Variants in GSN observed in about 807,000 individuals in gnomAD.
The protein encoded by GSN is actin-depolymerizing factor.
A neutral mutation model predicts 85.7 loss-of-function variants in GSN; 56 were observed. The ratio of observed to expected loss-of-function variants is 0.65; its 90% CI spans 0.53 to 0.82. The LOEUF (loss-of-function observed/expected upper bound fraction) is 0.82. GSN is among the 40% of genes least tolerant of loss of function. The pLI, the probability that GSN is intolerant of heterozygous loss-of-function variation, is 0.00. For missense variants in GSN, 857 were observed against 979.8 expected (o/e 0.87, Z 1.67); for synonymous variants, 373 against 399.1 (o/e 0.93, Z 0.78).
chr9:121,292,910 G>A (rs774409716), intron 2 of GSN, among the ~76,000 whole-genome samples: 3 of 152,142 alleles, frequency 2.0e-5, no homozygotes, highest in Non-Finnish European at 4.4e-5. Flanking sequence ...CACATTTATG[G>A]TCTCATTTAA....
At chr9:121,277,581 T>G (rs2056830931) in intron 1 of GSN, among the ~76,000 whole-genome samples, 1 of 152,188 alleles carries the variant, frequency 6.6e-6, no homozygotes, top group African/African-American at 2.4e-5. Context: ...TCTTTTAATG[T>G]CTTGTCTTTG....
chr9:121,304,183 G>A (rs1026276117), intron 4 of GSN, among the ~76,000 whole-genome samples: 4 of 152,172 alleles, frequency 2.6e-5, no homozygotes, highest in Admixed American at 2.6e-4. Flanking sequence ...CCCTGGTGAG[G>A]CATAAGAGAT....
At chr9:121,297,983 C>T (rs2133081418) in intron 2 of GSN, 1 of 152,260 alleles carries the variant, frequency 6.6e-6, no homozygotes, top group East Asian at 1.9e-4. Context: ...TAATATCATC[C>T]TCCAAATGGC....
intron 1 of GSN, among the ~76,000 whole-genome samples, chr9:121,270,582 A>ATTGTAATT (rs777664678): frequency 1.6e-4 from 24 of 152,210 alleles, no homozygotes; most frequent in Non-Finnish European, 3.5e-4. Context: ...GGTATTCAGC[A>ATTGTAATT]TTGTAACTTT....
intron 4 of GSN, among the ~76,000 whole-genome samples, chr9:121,228,952 C>G: frequency 6.6e-6 from 1 of 152,256 alleles, no homozygotes; most frequent in South Asian, 2.1e-4. Flanking sequence ...CTTCTAATAT[C>G]TTTAGCAAAT....
intron 2 of GSN, among the ~76,000 whole-genome samples, chr9:121,297,249 C>T (rs955021157): frequency 4.6e-5 from 7 of 152,180 alleles, no homozygotes; most frequent in African/African-American, 1.7e-4. Flanking sequence ...TCAAATGCTA[C>T]GGCAATGCTT....
upstream of GSN, among the ~76,000 whole-genome samples, chr9:121,263,396 T>A (rs1351262130): frequency 6.6e-6 from 1 of 152,230 alleles, no homozygotes; most frequent in Non-Finnish European, 1.5e-5. Context: ...TCTATTTATG[T>A]ATTAGTCATT....
intron 6 of GSN, among the ~76,000 whole-genome samples, chr9:121,256,469 T>TG: frequency 6.6e-6 from 1 of 152,062 alleles, no homozygotes; most frequent in South Asian, 2.1e-4. Flanking sequence ...TCTGTGAGAG[T>TG]GAAAACCATG....
intron 1 of GSN, among the ~76,000 whole-genome samples, chr9:121,278,239 C>A (rs1259909786): frequency 6.6e-6 from 1 of 152,178 alleles, no homozygotes; most frequent in East Asian, 1.9e-4. Context: ...ACAAAGATTG[C>A]TGCCTGGTAG....
intron 2 of GSN, among the ~76,000 whole-genome samples, chr9:121,298,047 T>A (rs1416021974): frequency 6.6e-6 from 1 of 152,166 alleles, no homozygotes; most frequent in African/African-American, 2.4e-5. Flanking sequence ...CACTGCAGGC[T>A]GGGCAGGCCC....
intron 2 of GSN, among the ~76,000 whole-genome samples, chr9:121,291,948 G>C (rs58247556): frequency 6.6e-6 from 1 of 152,112 alleles, no homozygotes; most frequent in Non-Finnish European, 1.5e-5. Context: ...CCAGGCTGGA[G>C]TGCAGTGGCA....
At chr9:121,224,833 T>A (rs1452236167) in intron 4 of GSN, among the ~76,000 whole-genome samples, 2 of 109,210 alleles carry the variant, frequency 1.8e-5, no homozygotes, top group African/African-American at 6.9e-5. Flanking sequence ...TAAATAAATT[T>A]ATTGAGACAG....
In GSN at chr9:121,281,771, G is replaced by C. The variant is rs537919327; in HGVS notation, c.-10+209G>C. 6.4e-6 allele frequency: 3 copies of C among 471,054 alleles called. No homozygotes were observed. In the Admixed American group the frequency reaches 7.0e-5, roughly 11 times the overall value. 29.2% of individuals were successfully genotyped at this position (471,054 alleles called of 1,614,324 possible). A position where few individuals can be genotyped will look rare whatever the true frequency, so the allele number is the denominator to read the frequency against. ...GAGGTCAGGCGAGAGTGATCTTGTA[G>C]GGAGGAGGCCGGGACTGGGCTCGGT... On this transcript the variant is annotated intron_variant, in intron 2 of 17. Transcript: ENST00000432226.
intron 2 of GSN, among the ~76,000 whole-genome samples, chr9:121,289,571 G>A (rs376171801): frequency 3.3e-5 from 5 of 152,190 alleles, no homozygotes; most frequent in African/African-American, 7.2e-5. Context: ...AGAGGAGGCC[G>A]TGGATTGCAG....
chr9:121,246,105 A>C (rs559169308), intron 5 of GSN, among the ~76,000 whole-genome samples: 1 of 152,330 alleles, frequency 6.6e-6, no homozygotes, highest in East Asian at 1.9e-4. Context: ...ATTTGCCTCA[A>C]AATTATCTGA....
chr9:121,242,345 G>A (rs562481383), intron 5 of GSN, among the ~76,000 whole-genome samples: 1 of 152,268 alleles, frequency 6.6e-6, no homozygotes, highest in African/African-American at 2.4e-5. Flanking sequence ...GCTTGAATCA[G>A]TACTTGCAAG....
chr9:121,248,180 C>A (rs2054741112), intron 5 of GSN: 1 of 144,400 alleles, frequency 6.9e-6, no homozygotes, highest in African/African-American at 2.7e-5. Context: ...AAGCCCTTGA[C>A]TCTTTTTTTT....
chr9:121,284,898 C>T (rs577501364), intron 2 of GSN: 2 of 167,442 alleles, frequency 1.2e-5, no homozygotes, highest in East Asian at 1.9e-4. Flanking sequence ...TTGTCACTCC[C>T]CCCACCGCAC....
chr9:121,242,245 C>G (rs2054618695), intron 5 of GSN, among the ~76,000 whole-genome samples: 1 of 152,088 alleles, frequency 6.6e-6, no homozygotes, highest in Non-Finnish European at 1.5e-5. Flanking sequence ...ATTATTATTA[C>G]TCTAAGGGCC....
Sources: allele counts gnomAD v4.1 joint callset (sites outside exome capture counted in the v4.1 genomes callset), GRCh38; gene constraint gnomAD v4.1.1; transcripts MANE v1.5; gene names NCBI Gene and HGNC (gene_info 2026-07-23, HGNC 2026-07-21).